MAD2L1: variants seen among roughly 807,000 people sequenced by gnomAD.
MAD2L1 encodes mitotic arrest deficient 2 like 1.
Under a neutral mutation model 25.9 loss-of-function variants are expected in MAD2L1, and 10 were observed. The ratio of observed to expected loss-of-function variants is 0.39; its 90% CI spans 0.24 to 0.66. The LOEUF (loss-of-function observed/expected upper bound fraction) is 0.66. MAD2L1 is among the 30% of genes least tolerant of loss of function. The pLI, the probability that MAD2L1 is intolerant of heterozygous loss-of-function variation, is 0.49. For missense variants in MAD2L1, 180 were observed against 246.4 expected (o/e 0.73, Z 1.80); for synonymous variants, 81 against 91.8 (o/e 0.88, Z 0.67).
At chr4:120,066,147 C>A (rs556697245) in intron 1 of MAD2L1, among the ~76,000 whole-genome samples, 2 of 152,168 alleles carry the variant, frequency 1.3e-5, no homozygotes, top group East Asian at 3.9e-4. Flanking sequence ...CTGTTGCATT[C>A]GAGTTAGCAA....
Position 120,056,614 on chromosome 4 carries a change from A to G in MAD2L1, c.*3504T>C, listed in dbSNP as rs1246363633. On this transcript the variant is annotated 3_prime_UTR_variant, in exon 5 of 5. Transcript: ENST00000296509. ...TTTGAATCTATATGCTAAAATATAT[A>G]GGAAGTCAGTATAATTAGCATTATA... The G allele has an allele frequency of 6.6e-6, 1 of 152,236 alleles. No individual in the cohort carries two copies. Among genetic ancestry groups the G allele is most frequent in the Admixed American group, 6.5e-5 (1 of 15,290 alleles). 9.4% of individuals were successfully genotyped at this position (152,236 alleles called of 1,614,324 possible).
At chr4:120,061,931 GAA>G (rs75370084) in intron 3 of MAD2L1, 42 bp downstream of exon 3, 3 of 1,505,740 alleles carry the variant, frequency 2.0e-6, no homozygotes, top group Admixed American at 2.3e-5. Context: ...AACAAGTTTT[GAA>G]AAAAAATATA....
chr4:120,062,083 T>C lies in MAD2L1; in HGVS notation c.233A>G (p.Lys78Arg), dbSNP rs747966227. The C allele has an allele frequency of 1.1e-5, 18 of 1,610,184 alleles. No individual in the cohort carries two copies. The highest frequency in any genetic ancestry group is 1.2e-5 in the Non-Finnish European group (14 of 1,178,566). The change falls in exon 3 of 5, where the codon AAG becomes AGG. Residue 78 changes from lysine (K) to arginine (R), a missense_variant. By Grantham distance (26) the Lys-to-Arg change is conservative (BLOSUM62 2). Transcript: ENST00000296509. ...TACAACCAGTTTCTGAACTGAACAC[T>C]TGTATAACCAATCTGCAACATATAA... is the stretch of plus-strand genomic sequence containing the variant. Reference protein sequence around the residue: ...VVEQLKDWLYKCSVQKLVVVI... With the variant: ...VVEQLKDWLYRCSVQKLVVVI...
At chr4:120,065,839 A>G in intron 1 of MAD2L1, 21 bp from the exon 2 acceptor site, 1 of 1,610,258 alleles carries the variant, frequency 6.2e-7, no homozygotes. Context: ...AAGAAATGTT[A>G]CAGAAAATTC....
Position 120,060,254 on chromosome 4 carries a change from A to G in MAD2L1, c.482T>C (p.Leu161Ser). 2 of 1,613,114 alleles carry G rather than the reference A, an allele frequency of 1.2e-6. No homozygotes were observed. Among genetic ancestry groups the G allele is most frequent in the South Asian group, 2.2e-5 (2 of 90,972 alleles). The change falls in exon 5 of 5, where the codon TTG (leucine) becomes TCG (serine). Residue 161 changes from leucine to serine, a missense_variant. Transcript: ENST00000296509. ...CTCTTCCCATTTTTCAGGTACAACC[A>G]AATCTTTGTCTGTATAAATCAGCAG... ...FDLLIYTDKD[L>S]VVPEKWEESG...
At position 120,059,057 on chromosome 4, in the gene MAD2L1, A is replaced by AG. The variant is rs1484447335; in HGVS notation, c.*1060dup. The AG allele has an allele frequency of 6.6e-6, 1 of 152,192 alleles. No individual in the cohort carries two copies. The highest frequency in any genetic ancestry group is 1.5e-5 in the Non-Finnish European group (1 of 68,036). The allele number at this position is 152,192 out of a possible 1,614,324, so 9.4% of individuals were successfully genotyped here. A position where few individuals can be genotyped will look rare whatever the true frequency, so the allele number is the denominator to read the frequency against. On this transcript the variant is annotated 3_prime_UTR_variant, in exon 5 of 5. Coordinates refer to ENST00000296509, the MANE Select transcript of MAD2L1 (RefSeq NM_002358.4). ...GAGAACTGGATAGAAAGCATGTACC[A>AG]GATGAGGGTATTAATGAAAGCACAG... is the stretch of plus-strand genomic sequence containing the variant.
chr4:120,064,072 A>C (rs186138936), intron 2 of MAD2L1, among the ~76,000 whole-genome samples: 1 of 152,334 alleles, frequency 6.6e-6, no homozygotes, highest in East Asian at 1.9e-4. Context: ...GTTAAATAGG[A>C]AGGTCTAGAC....
Position 120,060,296 on chromosome 4 carries a change from T to C in MAD2L1, c.446-6A>G, listed in dbSNP as rs1458462178. ...AATCAGCAGATCAAATGAACCTAAATTGGGGATAAGATCATTGAAGTATAT... is the reference window on the plus strand; with the variant it reads ...AATCAGCAGATCAAATGAACCTAAACTGGGGATAAGATCATTGAAGTATAT... On this transcript the variant is annotated splice_polypyrimidine_tract_variant and splice_region_variant and intron_variant, in intron 4 of 4. Coordinates refer to ENST00000296509, the MANE Select transcript of MAD2L1 (RefSeq NM_002358.4). 1.1e-5 allele frequency: 18 copies of C among 1,602,394 alleles called. No individual in the cohort carries two copies. Among genetic ancestry groups the C allele is most frequent in the Admixed American group, 1.7e-5 (1 of 59,538 alleles).
chr4:120,066,652 G>A lies in MAD2L1; in HGVS notation c.73+10C>T, dbSNP rs774994703. On this transcript the variant is annotated intron_variant, in intron 1 of 4. Coordinates refer to ENST00000296509, the MANE Select transcript of MAD2L1 (RefSeq NM_002358.4). ...TTCCCCCCGATATATTGGCCTGCGC[G>A]AGAACTTACAGAAGAACTCGGCCAC... is the stretch of plus-strand genomic sequence containing the variant. The A allele has an allele frequency of 2.5e-6, 4 of 1,600,220 alleles. No homozygotes were observed. The highest frequency in any genetic ancestry group is 2.3e-5 in the East Asian group (1 of 44,388).
Position 120,059,983 on chromosome 4 carries a change from A to G in MAD2L1, c.*135T>C. On this transcript the variant is annotated 3_prime_UTR_variant, in exon 5 of 5. Transcript: ENST00000296509. ...AAAAATAAAAGGAACAATTACACAC[A>G]GTTCAGTAAGTATCATTTTGGTTTT... The G allele has an allele frequency of 1.5e-6, 1 of 658,518 alleles. No individual in the cohort carries two copies. The highest frequency in any genetic ancestry group is 2.7e-5 in the East Asian group (1 of 37,398). 40.8% of individuals were successfully genotyped at this position (658,518 alleles called of 1,614,324 possible).
chr4:120,063,952 A>G lies in MAD2L1; in HGVS notation c.220+1720T>C, dbSNP rs1030614618. Among the ~76,000 whole-genome samples, 3 of 152,298 alleles carry G rather than the reference A, an allele frequency of 2.0e-5. No homozygotes were observed. The East Asian group carries it at 5.8e-4, about 29-fold the overall frequency. Reference sequence around the variant, plus strand: ...GGTTGCAGTGAGCGGAGATCACGCCACTGCACTCCAGCCTTGGTGCCAGAG... The same window carrying G: ...GGTTGCAGTGAGCGGAGATCACGCCGCTGCACTCCAGCCTTGGTGCCAGAG... On this transcript the variant is annotated intron_variant, in intron 2 of 4. Transcript: ENST00000296509.
At chr4:120,065,393 T>C (rs566711472) in intron 2 of MAD2L1, 4 of 289,864 alleles carry the variant, frequency 1.4e-5, no homozygotes, top group African/African-American at 4.2e-5. Context: ...TTCCAACCTG[T>C]TCCATTTGGC....
rs951351503 is a variant in MAD2L1, at chr4:120,056,049, C to T, written c.*4069G>A. The T allele has an allele frequency of 2.6e-5, 4 of 152,136 alleles. No individual in the cohort carries two copies. The highest frequency in any genetic ancestry group is 5.9e-5 in the Non-Finnish European group (4 of 68,004). The allele number at this position is 152,136 out of a possible 1,614,324, so 9.4% of individuals were successfully genotyped here. Reference sequence around the variant, plus strand: ...GTAAAGGGTAAGAGGAAAAAGGTGACGAAACACTCCTTTTGATATGCTTGT... The same window carrying T: ...GTAAAGGGTAAGAGGAAAAAGGTGATGAAACACTCCTTTTGATATGCTTGT... On this transcript the variant is annotated 3_prime_UTR_variant, in exon 5 of 5. Transcript: ENST00000296509.
In MAD2L1 at chr4:120,055,829, CTG is replaced by C. The variant is rs1418154636; in HGVS notation, c.*4287_*4288del. 6.6e-6 allele frequency: 1 copy of C among 152,180 alleles called. No homozygotes were observed. Among genetic ancestry groups the C allele is most frequent in the East Asian group, 1.9e-4 (1 of 5,198 alleles). The allele number at this position is 152,180 out of a possible 1,614,324, so 9.4% of individuals were successfully genotyped here. ...TTCACAAATTCATACCTGATTTACTCTGTAGACAATATAGATTAGGCATAGGA... is the reference window on the plus strand; with the variant it reads ...TTCACAAATTCATACCTGATTTACTCTAGACAATATAGATTAGGCATAGGA... On this transcript the variant is annotated 3_prime_UTR_variant, in exon 5 of 5. Transcript: ENST00000296509.
chr4:120,062,170 C>G, intron 2 of MAD2L1, 75 bp from the exon 3 acceptor site: 2 of 1,401,448 alleles, frequency 1.4e-6, no homozygotes, highest in South Asian at 2.9e-5. Context: ...GGGTCCCACT[C>G]CCTATCCTCA....
chr4:120,062,111 A>C lies in MAD2L1; in HGVS notation c.221-16T>G. ...TATAACCAATCTGCAACATATAAAA[A>C]GGAAGGCATCTTTCTTGGTCCACTG... On this transcript the variant is annotated splice_polypyrimidine_tract_variant and intron_variant, in intron 2 of 4. Transcript: ENST00000296509. The C allele has an allele frequency of 6.2e-7, 1 of 1,601,220 alleles. No individual in the cohort carries two copies. The highest frequency in any genetic ancestry group is 8.5e-7 in the Non-Finnish European group (1 of 1,174,860).
In MAD2L1 at chr4:120,066,804, T is replaced by C. The variant is rs1371266616; in HGVS notation, c.-70A>G. ...GCAACCACAGCGGCTCCAACAGCAC[T>C]TCCCCGCCAAGCGTTTCAAAAGTAA... is the stretch of plus-strand genomic sequence containing the variant. On this transcript the variant is annotated 5_prime_UTR_variant, in exon 1 of 5. Coordinates refer to ENST00000296509, the MANE Select transcript of MAD2L1 (RefSeq NM_002358.4). The C allele has an allele frequency of 1.2e-5, 14 of 1,135,496 alleles. No individual in the cohort carries two copies. Among genetic ancestry groups the C allele is most frequent in the African/African-American group, 1.2e-4 (8 of 65,200 alleles). 70.3% of individuals were successfully genotyped at this position (1,135,496 alleles called of 1,614,324 possible).
Position 120,065,714 on chromosome 4 carries a change from C to G in MAD2L1, c.178G>C (p.Glu60Gln). Residue 60 changes from glutamate (E) to glutamine (Q), a missense_variant, in exon 2 of 5, where the codon GAG becomes CAG. By Grantham distance (29) the Glu-to-Gln change is conservative. Transcript: ENST00000296509. ...ACATTATTTAGGTATTTTATGAGCT[C>G]AAGATCAGTAGTTACAAGCAAGGTG... ...GLTLLVTTDL[E>Q]LIKYLNNVVE... 6.2e-7 allele frequency: 1 copy of G among 1,613,842 alleles called. No individual in the cohort carries two copies. The highest frequency in any genetic ancestry group is 8.5e-7 in the Non-Finnish European group (1 of 1,179,914).
At chr4:120,065,169 C>T (rs1263811333) in intron 2 of MAD2L1, among the ~76,000 whole-genome samples, 1 of 152,118 alleles carries the variant, frequency 6.6e-6, no homozygotes, top group African/African-American at 2.4e-5. Flanking sequence ...GAAAAACAAA[C>T]AAACAAAAAA....
Sources: allele counts gnomAD v4.1 joint callset (sites outside exome capture counted in the v4.1 genomes callset), GRCh38; gene constraint gnomAD v4.1.1; transcripts MANE v1.5; gene names NCBI Gene and HGNC (gene_info 2026-07-23, HGNC 2026-07-21).